USP6NL: variants seen among roughly 807,000 people sequenced by gnomAD.
USP6NL encodes USP6 N-terminal-like protein.
Under a neutral mutation model 61.9 loss-of-function variants are expected in USP6NL, and 26 were observed. The observed-to-expected ratio is 0.42, with a 90% CI of 0.31 to 0.58. USP6NL has a LOEUF of 0.58. USP6NL is among the 20% of genes least tolerant of loss of function. USP6NL has a pLI of 0.16. For synonymous variants in USP6NL, 432 were observed against 390.1 expected (o/e 1.11, Z -1.27); for missense variants, 1,114 against 1,034.3 (o/e 1.08, Z -1.06).
At chr10:11,517,231 T>C (rs904396895) in intron 5 of USP6NL, among the ~76,000 whole-genome samples, 2 of 152,250 alleles carry the variant, frequency 1.3e-5, no homozygotes, top group South Asian at 2.1e-4. Context: ...AGAGAGATCA[T>C]AGTCAGAGTG....
intron 2 of USP6NL, among the ~76,000 whole-genome samples, chr10:11,538,212 C>T (rs976542593): frequency 2.6e-5 from 4 of 152,112 alleles, no homozygotes; most frequent in Non-Finnish European, 5.9e-5. Flanking sequence ...GAAACAAATG[C>T]TGACAAGATT....
chr10:11,560,524 C>T (rs576833045), intron 2 of USP6NL, among the ~76,000 whole-genome samples: 1 of 151,648 alleles, frequency 6.6e-6, no homozygotes, highest in East Asian at 1.9e-4. Flanking sequence ...AAACATGCTA[C>T]CCCCCTCCTT....
At chr10:11,516,469 A>G (rs1253459585) in intron 5 of USP6NL, among the ~76,000 whole-genome samples, 1 of 152,236 alleles carries the variant, frequency 6.6e-6, no homozygotes, top group Non-Finnish European at 1.5e-5. Context: ...TCACCACAGA[A>G]CACAAGAACT....
rs1481910979 is a variant in USP6NL, at chr10:11,499,755, C to T, written c.384+1346G>A. ...TAGAGCCCTGAGAGAAAGTGTTGTCCTGCTGACACCTTAATTTTGGACTTC... is the reference window on the plus strand; with the variant it reads ...TAGAGCCCTGAGAGAAAGTGTTGTCTTGCTGACACCTTAATTTTGGACTTC... On this transcript the variant is annotated intron_variant, in intron 7 of 14. Coordinates refer to ENST00000609104, the MANE Select transcript of USP6NL (RefSeq NM_014688.5). This position sits in a 1 kb window ranked among gnomAD's most constrained non-coding sequence, Gnocchi z 4.5. 2.0e-5 allele frequency among the ~76,000 whole-genome samples: 3 copies of T among 152,176 alleles called. No homozygotes were observed. The highest frequency in any genetic ancestry group is 2.9e-5 in the Non-Finnish European group (2 of 68,026).
rs1347804545 is a variant in USP6NL at position 11,548,515 on chromosome 10, T to C, written c.5-20948A>G. On this transcript the variant is annotated intron_variant, in intron 2 of 14. Coordinates refer to ENST00000609104, the MANE Select transcript of USP6NL (RefSeq NM_014688.5). This position sits in a 1 kb window ranked among gnomAD's most constrained non-coding sequence, Gnocchi z 4.3. ...GTCCATGACTATCCTATAAAGATCT[T>C]TGTAAATCTTAATTTCATAACCTTA... Among the ~76,000 whole-genome samples, 1 of 152,212 alleles carries C rather than the reference T, an allele frequency of 6.6e-6. No homozygotes were observed. The highest frequency in any genetic ancestry group is 1.5e-5 in the Non-Finnish European group (1 of 68,028).
chr10:11,526,071 T>C (rs1353079175), intron 3 of USP6NL, among the ~76,000 whole-genome samples: 1 of 141,230 alleles, frequency 7.1e-6, no homozygotes. Context: ...TCCTGTGACG[T>C]TGTCCTCTCA....
At chr10:11,500,413 C>T (rs1319707505) in intron 7 of USP6NL, among the ~76,000 whole-genome samples, 1 of 150,182 alleles carries the variant, frequency 6.7e-6, no homozygotes, top group Non-Finnish European at 1.5e-5. Context: ...TACATATTTT[C>T]TAAGGAACAT....
chr10:11,522,137 T>C (rs149672432), intron 4 of USP6NL, among the ~76,000 whole-genome samples: 4 of 152,242 alleles, frequency 2.6e-5, no homozygotes, highest in Admixed American at 6.5e-5. Context: ...GTGTAATCTA[T>C]TCCAAAACCA....
At position 11,476,723 on chromosome 10, in the gene USP6NL, T is replaced by C. The variant is rs962075360; in HGVS notation, c.1078+5047A>G. Among the ~76,000 whole-genome samples, 7 of 152,160 alleles carry C rather than the reference T, an allele frequency of 4.6e-5. No individual in the cohort carries two copies. Among genetic ancestry groups the C allele is most frequent in the Non-Finnish European group, 8.8e-5 (6 of 68,032 alleles). The stretch of plus-strand genomic sequence containing the variant: ...CAATGAAAACCAAAAATTTAAATGG[T>C]AGACAGTGTATGTAGATTATAACAA... On this transcript the variant is annotated intron_variant, in intron 14 of 14. Transcript: ENST00000609104. This position sits in a 1 kb window ranked among gnomAD's most constrained non-coding sequence, Gnocchi z 4.3.
chr10:11,577,648 CT>C (rs1837600576), intron 2 of USP6NL, among the ~76,000 whole-genome samples: 1 of 152,114 alleles, frequency 6.6e-6, no homozygotes, highest in East Asian at 1.9e-4. Context: ...TTACAGGTGC[CT>C]TGCCACCACA....
rs1449548871 is a variant in USP6NL at position 11,463,390 on chromosome 10, G to A, written c.1538C>T (p.Pro513Leu). The change falls in exon 15 of 15, where the codon CCC becomes CTC. Residue 513 changes from proline (P) to leucine (L), a missense_variant. Physicochemically the swap from Pro to Leu is moderately conservative, Grantham distance 98. Coordinates refer to ENST00000609104, the MANE Select transcript of USP6NL (RefSeq NM_014688.5). This position sits in a 1 kb window ranked among gnomAD's most constrained non-coding sequence, Gnocchi z 6.3. ...TMEGKGRAAH[P>L]ALAVTVPGPA... is the part of the protein sequence containing the mutation. ...ACCTGGGACGGTAACTGCGAGCGCG[G>A]GGTGCGCTGCTCGACCTTTGCCTTC... 1 of 1,613,922 alleles carries A rather than the reference G, an allele frequency of 6.2e-7. No homozygotes were observed. Among genetic ancestry groups the A allele is most frequent in the South Asian group, 1.1e-5 (1 of 91,092 alleles).
chr10:11,551,712 G>A (rs146074105), intron 2 of USP6NL, among the ~76,000 whole-genome samples: 7 of 152,252 alleles, frequency 4.6e-5, no homozygotes, highest in Non-Finnish European at 5.9e-5. Context: ...TATGTTTAAC[G>A]TCTATATAGT....
intron 2 of USP6NL, among the ~76,000 whole-genome samples, chr10:11,580,166 G>A (rs1837702959): frequency 6.6e-6 from 1 of 152,270 alleles, no homozygotes; most frequent in South Asian, 2.1e-4. Context: ...CATGGATGGT[G>A]ACCTTGTCCT....
At chr10:11,506,462 C>G (rs1325206043) in intron 6 of USP6NL, among the ~76,000 whole-genome samples, 3 of 151,912 alleles carry the variant, frequency 2.0e-5, no homozygotes, top group South Asian at 2.1e-4. Context: ...GGCAACATAG[C>G]AAGACCCTAT....
In USP6NL at chr10:11,463,027, T is replaced by C. The variant is rs372929885; in HGVS notation, c.1901A>G (p.Asn634Ser). 3.2e-5 allele frequency: 52 copies of C among 1,613,528 alleles called. No individual in the cohort carries two copies. The highest frequency in any genetic ancestry group is 1.8e-4 in the East Asian group (8 of 44,850). ...RGLAHPPSYS[N>S]PPVYHGNSPK... ...AGAGTTTCCGTGGTAAACGGGGGGA[T>C]TGCTGTAGGAGGGGGGATGAGCTAG... The change falls in exon 15 of 15, where the codon AAT (asparagine) becomes AGT (serine). Residue 634 changes from asparagine (N) to serine (S), a missense_variant. Coordinates refer to ENST00000609104, the MANE Select transcript of USP6NL (RefSeq NM_014688.5). This position sits in a 1 kb window ranked among gnomAD's most constrained non-coding sequence, Gnocchi z 6.3.
intron 5 of USP6NL, among the ~76,000 whole-genome samples, chr10:11,516,106 T>C (rs56884661): frequency 0.11 from 17,171 of 152,180 alleles, 1,511 homozygotes; most frequent in East Asian, 0.43. Flanking sequence ...AGAGTAAATA[T>C]AATGTTTGTT....
Position 11,465,361 on chromosome 10 carries a change from A to G in USP6NL, c.1079-1512T>C, listed in dbSNP as rs1014319619. On this transcript the variant is annotated intron_variant, in intron 14 of 14. Transcript: ENST00000609104. The surrounding 1 kb of genome is among the most constrained non-coding windows in gnomAD (Gnocchi z 4.5). ...AAAGAAAAGGAAAACTGTGACGCCC[A>G]GAGTGGTGAATGCATGCCTGAAGAT... is the stretch of plus-strand genomic sequence containing the variant. Among the ~76,000 whole-genome samples, 2 of 152,212 alleles carry G rather than the reference A, an allele frequency of 1.3e-5. No homozygotes were observed. The highest frequency in any genetic ancestry group is 2.9e-5 in the Non-Finnish European group (2 of 68,038).
chr10:11,463,249 T>G lies in USP6NL; in HGVS notation c.1679A>C (p.Asp560Ala), dbSNP rs746050192. 3 of 1,613,666 alleles carry G rather than the reference T, an allele frequency of 1.9e-6. No individual in the cohort carries two copies. The highest frequency in any genetic ancestry group is 2.5e-6 in the Non-Finnish European group (3 of 1,179,892). ...QYDNVPGPEL[D>A]SGASVEEALE... Reference sequence around the variant, plus strand: ...CGCCTCCTCCACGGAAGCGCCGCTGTCCAGCTCCGGGCCTGGCACGTTGTC... The same window carrying G: ...CGCCTCCTCCACGGAAGCGCCGCTGGCCAGCTCCGGGCCTGGCACGTTGTC... The change falls in exon 15 of 15, where the codon GAC (aspartate) becomes GCC (alanine). Residue 560 changes from aspartate (D) to alanine (A), a missense_variant. By Grantham distance (126) the Asp-to-Ala change is moderately radical. Transcript: ENST00000609104. This position sits in a 1 kb window ranked among gnomAD's most constrained non-coding sequence, Gnocchi z 6.3.
intron 2 of USP6NL, among the ~76,000 whole-genome samples, chr10:11,567,109 G>A (rs529734626): frequency 6.6e-6 from 1 of 152,298 alleles, no homozygotes; most frequent in African/African-American, 2.4e-5. Context: ...GCCTGACCTT[G>A]TCTCGAAAAT....
Sources: allele counts gnomAD v4.1 joint callset (sites outside exome capture counted in the v4.1 genomes callset), GRCh38; gene constraint gnomAD v4.1.1; non-coding constraint Gnocchi (gnomAD v3.1); transcripts MANE v1.5; gene names NCBI Gene and HGNC (gene_info 2026-07-23, HGNC 2026-07-21).